The following CHP1 variants were observed in gnomAD, a reference collection of about 807,000 sequenced individuals.
CHP1 encodes calcineurin like EF-hand protein 1.
A neutral mutation model predicts 27.4 loss-of-function variants in CHP1; 11 were observed. The observed-to-expected ratio is 0.40, with a 90% CI of 0.25 to 0.67. The LOEUF (loss-of-function observed/expected upper bound fraction) is 0.67, where lower values mean the gene tolerates loss of function less well. CHP1 is among the 30% of genes least tolerant of loss of function. The pLI is 0.38. For synonymous variants in CHP1, 89 were observed against 87.4 expected, an observed-to-expected ratio of 1.02 and a Z score of -0.10; for missense variants, 169 against 251.3, an observed-to-expected ratio of 0.67 and a Z score of 2.22.
At chr15:41,236,418 C>T (rs770982764) in intron 1 of CHP1, among the ~76,000 whole-genome samples, 12 of 152,114 alleles carry the variant, frequency 7.9e-5, no homozygotes, top group Non-Finnish European at 1.5e-4. Flanking sequence ...CATGCCACCA[C>T]GCCTGGCTAA....
chr15:41,231,490 C>G (rs1447511437), intron 1 of CHP1, 41 bp downstream of exon 1: 2 of 1,568,928 alleles, frequency 1.3e-6, no homozygotes, highest in Non-Finnish European at 1.7e-6. Context: ...GCGCCTCAGG[C>G]TGGCCTCACA....
chr15:41,261,800 C>G (rs915164782), intron 3 of CHP1, among the ~76,000 whole-genome samples: 4 of 151,934 alleles, frequency 2.6e-5, no homozygotes, highest in East Asian at 1.9e-4. Flanking sequence ...CGAGACTAGC[C>G]TGACCAACAT....
intron 5 of CHP1, among the ~76,000 whole-genome samples, chr15:41,275,662 C>A (rs1366763101): frequency 1.3e-5 from 2 of 152,124 alleles, no homozygotes; most frequent in Non-Finnish European, 2.9e-5. Flanking sequence ...GCCTTGAACT[C>A]CTGGGCTCAG....
chr15:41,256,483 T>C (rs1357593942), intron 2 of CHP1, among the ~76,000 whole-genome samples: 1 of 152,176 alleles, frequency 6.6e-6, no homozygotes, highest in Non-Finnish European at 1.5e-5. Flanking sequence ...CTAAAAATCT[T>C]AACAAGGATA....
At chr15:41,256,781 A>G (rs2047402639) in intron 2 of CHP1, 129 bp from the exon 3 acceptor site, 3 of 741,932 alleles carry the variant, frequency 4.0e-6, no homozygotes, top group South Asian at 1.5e-5. Flanking sequence ...GTTATTTGGT[A>G]TAATTTGCCA....
chr15:41,246,307 T>C (rs2047334082), intron 2 of CHP1, among the ~76,000 whole-genome samples: 1 of 151,956 alleles, frequency 6.6e-6, no homozygotes, highest in African/African-American at 2.4e-5. Flanking sequence ...CGAAAAGTTT[T>C]TTTTTTAATG....
chr15:41,247,987 A>AT (rs2047344858), intron 2 of CHP1, among the ~76,000 whole-genome samples: 1 of 139,466 alleles, frequency 7.2e-6, no homozygotes, highest in East Asian at 2.0e-4. Context: ...AAATAAATAA[A>AT]TAAAATAAAT....
chr15:41,246,131 C>T (rs2047333231), intron 2 of CHP1, among the ~76,000 whole-genome samples: 1 of 152,016 alleles, frequency 6.6e-6, no homozygotes, highest in South Asian at 2.1e-4. Flanking sequence ...ATTTTAGCTC[C>T]AATACTTAAA....
At position 41,238,089 on chromosome 15, in the gene CHP1, C is replaced by T. The variant is rs2047286543; in HGVS notation, c.68-5578C>T. On this transcript the variant is annotated intron_variant, in intron 1 of 6. Transcript: ENST00000334660. ...TCGCACTTCTGTGAAATGCCTTCCT[C>T]CTCTTTGCACAATGCAGTGATGATA... Among the ~76,000 whole-genome samples, 2 of 152,182 alleles carry T rather than the reference C, an allele frequency of 1.3e-5. 1 individual carries two copies. Among genetic ancestry groups the T allele is most frequent in the South Asian group, 4.1e-4 (2 of 4,832 alleles).
chr15:41,262,832 A>G lies in CHP1; in HGVS notation c.298A>G (p.Lys100Glu). Residue 100 changes from lysine to glutamate, a missense_variant, in exon 4 of 7, where the codon AAA (lysine) becomes GAA (glutamate). Transcript: ENST00000334660. ...CCCCATTGAGGATAATGAAAAGAGC[A>G]AAGATGTGAATGGACCCGAACCACT... ...FRPIEDNEKS[K>E]DVNGPEPLNS... is the part of the protein sequence containing the mutation. The G allele has an allele frequency of 1.2e-6, 2 of 1,614,142 alleles. No homozygotes were observed. The highest frequency in any genetic ancestry group is 1.7e-6 in the Non-Finnish European group (2 of 1,180,038).
chr15:41,250,266 C>T (rs1412005708), intron 2 of CHP1, among the ~76,000 whole-genome samples: 1 of 152,062 alleles, frequency 6.6e-6, no homozygotes, highest in Non-Finnish European at 1.5e-5. Flanking sequence ...TCCCTGTCTG[C>T]CTTTTTACAT....
intron 1 of CHP1, among the ~76,000 whole-genome samples, chr15:41,236,077 A>T (rs1325903229): frequency 6.4e-5 from 8 of 124,612 alleles, no homozygotes; most frequent in Non-Finnish European, 1.1e-4. Flanking sequence ...AGACCCTAAG[A>T]ACTTTTTTTT....
At chr15:41,278,939 G>A (rs768630598) in intron 6 of CHP1, 50 bp downstream of exon 6, 17 of 1,609,122 alleles carry the variant, frequency 1.1e-5, no homozygotes, top group Admixed American at 3.4e-5. Flanking sequence ...GTGGCTGGGC[G>A]CGGTGGCTTA....
intron 2 of CHP1, among the ~76,000 whole-genome samples, chr15:41,247,813 C>T (rs972426232): frequency 1.3e-5 from 2 of 149,900 alleles, no homozygotes; most frequent in Non-Finnish European, 3.0e-5. Flanking sequence ...ACTAAAAATA[C>T]AAAAAATTAG....
intron 5 of CHP1, among the ~76,000 whole-genome samples, chr15:41,274,581 A>T (rs1474436885): frequency 6.6e-6 from 1 of 152,124 alleles, no homozygotes; most frequent in Admixed American, 6.5e-5. Context: ...GATGTTAAAG[A>T]CACCACTACT....
At chr15:41,255,688 A>G (rs2140933223) in intron 2 of CHP1, among the ~76,000 whole-genome samples, 1 of 152,030 alleles carries the variant, frequency 6.6e-6, no homozygotes, top group Non-Finnish European at 1.5e-5. Context: ...AAAATAAAGA[A>G]TTTGGGGGAG....
At chr15:41,267,285 G>A (rs970149226) in intron 4 of CHP1, among the ~76,000 whole-genome samples, 3 of 151,964 alleles carry the variant, frequency 2.0e-5, no homozygotes, top group Non-Finnish European at 4.4e-5. Context: ...TTGCACAACA[G>A]TGTGAAAGTA....
chr15:41,269,649 T>C (rs2140941048), intron 4 of CHP1, among the ~76,000 whole-genome samples: 1 of 152,286 alleles, frequency 6.6e-6, no homozygotes, highest in South Asian at 2.1e-4. Context: ...CCTCCTCTAC[T>C]AGATAGTGAG....
At chr15:41,234,655 A>T (rs1045585077) in intron 1 of CHP1, among the ~76,000 whole-genome samples, 2 of 152,212 alleles carry the variant, frequency 1.3e-5, no homozygotes, top group Non-Finnish European at 2.9e-5. Flanking sequence ...ATTACCTGTG[A>T]TCCTCAGTTT....
Sources: gnomAD v4.1 joint callset for allele counts (sites outside exome capture counted in the v4.1 genomes callset) on GRCh38, gnomAD v4.1.1 for gene constraint, MANE v1.5 for transcripts, NCBI Gene and HGNC (gene_info 2026-07-23, HGNC 2026-07-21) for gene names.